The following TNFRSF1B variants were observed in gnomAD, a reference collection of about 807,000 sequenced individuals.
The protein encoded by TNFRSF1B is TNF receptor superfamily member 1B, also known as tumor necrosis factor receptor superfamily member 1B.
In TNFRSF1B, 19 loss-of-function variants were observed where a neutral mutation model predicts 44.6. The ratio of observed to expected loss-of-function variants is 0.43; its 90% CI spans 0.30 to 0.62. TNFRSF1B has a LOEUF of 0.62. TNFRSF1B is among the 20% of genes least tolerant of loss of function. The pLI is 0.16. For synonymous variants in TNFRSF1B, 252 were observed against 261.1 expected (o/e 0.97, Z 0.34); for missense variants, 541 against 619.9 (o/e 0.87, Z 1.35).
chr1:12,189,855 G>C (rs1046530639), intron 2 of TNFRSF1B, among the ~76,000 whole-genome samples: 2 of 152,200 alleles, frequency 1.3e-5, no homozygotes, highest in African/African-American at 4.8e-5. Flanking sequence ...CAGGAGGTGA[G>C]GGAGCAGGTC....
chr1:12,206,706 C>G (rs148178396), intron 9 of TNFRSF1B, 34 bp from the exon 10 acceptor site: 2 of 1,535,554 alleles, frequency 1.3e-6, no homozygotes, highest in Non-Finnish European at 1.8e-6. Context: ...CCTGGACCCC[C>G]GGACTGACCC....
intron 4 of TNFRSF1B, among the ~76,000 whole-genome samples, 192 bp downstream of exon 4, chr1:12,192,115 C>T (rs993666900): frequency 6.6e-6 from 1 of 152,244 alleles, no homozygotes; most frequent in Non-Finnish European, 1.5e-5. Flanking sequence ...CCCGATTAGG[C>T]ACCTCTTATG....
chr1:12,198,313 T>G, intron 8 of TNFRSF1B, among the ~76,000 whole-genome samples: 1 of 152,132 alleles, frequency 6.6e-6, no homozygotes, highest in Non-Finnish European at 1.5e-5. Flanking sequence ...AGTATGATTC[T>G]TGTCCCCCAT....
rs17883432 is a variant in TNFRSF1B, at chr1:12,201,968, C to G, written c.902C>G (p.Pro301Arg). 1.8e-4 allele frequency: 295 copies of G among 1,607,616 alleles called. 1 individual carries two copies. Among genetic ancestry groups the G allele is most frequent in the African/African-American group, 9.9e-4 (74 of 74,958 alleles). Reference protein sequence around the residue: ...PLCLQREAKVPHLPADKARGT... With the variant: ...PLCLQREAKVRHLPADKARGT... ...CCCTACCACCCCCTGCCCATCCAGCCTCACTTGCCTGCCGATAAGGCCCGG... is the reference window on the plus strand; with the variant it reads ...CCCTACCACCCCCTGCCCATCCAGCGTCACTTGCCTGCCGATAAGGCCCGG... Residue 301 changes from proline (P) to arginine (R), a missense_variant and splice_region_variant, in exon 9 of 10, where the codon CCT (proline) becomes CGT (arginine). Physicochemically the swap from Pro to Arg is moderately radical, Grantham distance 103 (BLOSUM62 -2). Coordinates refer to ENST00000376259, the MANE Select transcript of TNFRSF1B (RefSeq NM_001066.3).
At position 12,207,234 on chromosome 1, in the gene TNFRSF1B, G is replaced by T. The variant is rs987083843; in HGVS notation, c.*214G>T. On this transcript the variant is annotated 3_prime_UTR_variant, in exon 10 of 10. Coordinates refer to ENST00000376259, the MANE Select transcript of TNFRSF1B (RefSeq NM_001066.3). ...GTTGTGGAAAGCCTCTGCTGCCATGGCGTGTCCCTCTCGGAAGGCTGGCTG... is the reference window on the plus strand; with the variant it reads ...GTTGTGGAAAGCCTCTGCTGCCATGTCGTGTCCCTCTCGGAAGGCTGGCTG... 2 of 480,734 alleles carry T rather than the reference G, an allele frequency of 4.2e-6. No homozygotes were observed. The highest frequency in any genetic ancestry group is 1.1e-4 in the South Asian group (2 of 17,720). 29.8% of individuals were successfully genotyped at this position (480,734 alleles called of 1,614,324 possible). A position where few individuals can be genotyped will look rare whatever the true frequency, so the allele number is the denominator to read the frequency against.
In TNFRSF1B at chr1:12,192,977, A is replaced by G; in HGVS notation, c.666A>G (p.Thr222=). The change falls in exon 6 of 10, where the codon ACA becomes ACG. Residue 222 remains threonine (T), a synonymous_variant. Transcript: ENST00000376259. ...TACACTTACCCCAGCCAGTGTCCAC[A>G]CGATCCCAACACACGCAGCCAACTC... ...GAVHLPQPVS[T]RSQHTQPTPE... 2 of 1,614,146 alleles carry G rather than the reference A, an allele frequency of 1.2e-6. No homozygotes were observed. Among genetic ancestry groups the G allele is most frequent in the Non-Finnish European group, 1.7e-6 (2 of 1,180,014 alleles).
intron 9 of TNFRSF1B, among the ~76,000 whole-genome samples, chr1:12,204,257 A>G (rs1231702223): frequency 1.3e-5 from 2 of 151,714 alleles, no homozygotes; most frequent in African/African-American, 4.8e-5. Flanking sequence ...GTGCCCCTTC[A>G]TGGTCCCCCA....
At chr1:12,174,764 G>A (rs1638614046) in intron 1 of TNFRSF1B, among the ~76,000 whole-genome samples, 1 of 152,226 alleles carries the variant, frequency 6.6e-6, no homozygotes, top group Non-Finnish European at 1.5e-5. Flanking sequence ...TAGTGGGCAT[G>A]TTCTGCTGGG....
At position 12,178,222 on chromosome 1, in the gene TNFRSF1B, C is replaced by T. The variant is rs1638706366; in HGVS notation, c.79-10574C>T. Among the ~76,000 whole-genome samples, 1 of 152,200 alleles carries T rather than the reference C, an allele frequency of 6.6e-6. No homozygotes were observed. Among genetic ancestry groups the T allele is most frequent in the Admixed American group, 6.5e-5 (1 of 15,278 alleles). On this transcript the variant is annotated intron_variant, in intron 1 of 9. Coordinates refer to ENST00000376259, the MANE Select transcript of TNFRSF1B (RefSeq NM_001066.3). This position sits in a 1 kb window ranked among gnomAD's most constrained non-coding sequence, Gnocchi z 4.3. Reference sequence around the variant, plus strand: ...CAACTAATTGAAAATTAAAACTTTGCTTCTGTTGAGCAATTCGGCATCGAT... The same window carrying T: ...CAACTAATTGAAAATTAAAACTTTGTTTCTGTTGAGCAATTCGGCATCGAT...
chr1:12,183,748 T>TCTATCTATCTAGCTAGCTAG (rs1279334157), intron 1 of TNFRSF1B, among the ~76,000 whole-genome samples: 4 of 116,984 alleles, frequency 3.4e-5, no homozygotes, highest in South Asian at 3.0e-4. Context: ...TATCTATCTA[T>TCTATCTATCTAGCTAGCTAG]CTAGCTAGCT....
rs541185628 is a variant in TNFRSF1B, at chr1:12,173,618, A to G, written c.78+6449A>G. ...TCCTTACTGTAGGCAGGCGCTGCAG[A>G]GCCTGCTGTCTGGGAACCCACAGGT... is the stretch of plus-strand genomic sequence containing the variant. On this transcript the variant is annotated intron_variant, in intron 1 of 9. Transcript: ENST00000376259. Among the ~76,000 whole-genome samples the G allele has an allele frequency of 3.9e-5, 6 of 152,288 alleles. No individual in the cohort carries two copies. In the South Asian group the frequency reaches 1.2e-3, roughly 32 times the overall value.
At position 12,187,304 on chromosome 1, in the gene TNFRSF1B, C is replaced by T. The variant is rs1241550629; in HGVS notation, c.79-1492C>T. ...GAGTAGCTGGGATTACAGGCACACG[C>T]CACTATGCCGGGATAATTTTGTATT... On this transcript the variant is annotated intron_variant, in intron 1 of 9. Transcript: ENST00000376259. The surrounding 1 kb of genome is among the most constrained non-coding windows in gnomAD (Gnocchi z 5.5). 6.6e-6 allele frequency among the ~76,000 whole-genome samples: 1 copy of T among 152,128 alleles called. No individual in the cohort carries two copies. Among genetic ancestry groups the T allele is most frequent in the Non-Finnish European group, 1.5e-5 (1 of 68,026 alleles).
Position 12,201,952 on chromosome 1 carries a change from C to A in TNFRSF1B, c.901-15C>A. On this transcript the variant is annotated splice_polypyrimidine_tract_variant and intron_variant, in intron 8 of 9. Coordinates refer to ENST00000376259, the MANE Select transcript of TNFRSF1B (RefSeq NM_001066.3). ...TGGGCTGACTGCTCTCCCCTACCAC[C>A]CCCTGCCCATCCAGCCTCACTTGCC... is the stretch of plus-strand genomic sequence containing the variant. The A allele has an allele frequency of 1.9e-6, 3 of 1,596,754 alleles. No individual in the cohort carries two copies. The highest frequency in any genetic ancestry group is 2.6e-6 in the Non-Finnish European group (3 of 1,170,476).
Position 12,207,304 on chromosome 1 carries a change from G to A in TNFRSF1B, c.*284G>A, listed in dbSNP as rs1257673965. 5.3e-6 allele frequency: 2 copies of A among 378,554 alleles called. No individual in the cohort carries two copies. Among genetic ancestry groups the A allele is most frequent in the Non-Finnish European group, 9.4e-6 (2 of 213,216 alleles). The allele number at this position is 378,554 out of a possible 1,614,324, so 23.4% of individuals were successfully genotyped here. ...TGCTGGGGCAAGTCCCTGACTCTCT[G>A]TGACCTGCCCCGCCCAGCTGCACCT... On this transcript the variant is annotated 3_prime_UTR_variant, in exon 10 of 10. Transcript: ENST00000376259.
In TNFRSF1B at chr1:12,202,180, T is replaced by G. The variant is rs1570174818; in HGVS notation, c.1105+9T>G. ...CAGCACCGGGAGCTCAGGTAAGAGG[T>G]GGGAGCACACCTGGCTTCTTCCCAA... On this transcript the variant is annotated intron_variant, in intron 9 of 9. Transcript: ENST00000376259. 1 of 1,542,260 alleles carries G rather than the reference T, an allele frequency of 6.5e-7. No homozygotes were observed. Among genetic ancestry groups the G allele is most frequent in the Non-Finnish European group, 8.7e-7 (1 of 1,146,998 alleles).
Position 12,177,049 on chromosome 1 carries a change from C to T in TNFRSF1B, c.78+9880C>T, listed in dbSNP as rs1265631397. Among the ~76,000 whole-genome samples, 1 of 152,038 alleles carries T rather than the reference C, an allele frequency of 6.6e-6. No homozygotes were observed. The highest frequency in any genetic ancestry group is 1.5e-5 in the Non-Finnish European group (1 of 67,986). ...TGGAGTCTTGCTCTTGTTGCCTAGG[C>T]TGGAGTGCAGTGGTGTGATCTTGGC... is the stretch of plus-strand genomic sequence containing the variant. On this transcript the variant is annotated intron_variant, in intron 1 of 9. Transcript: ENST00000376259. This position sits in a 1 kb window ranked among gnomAD's most constrained non-coding sequence, Gnocchi z 4.3.
rs1251850435 is a variant in TNFRSF1B at position 12,206,920 on chromosome 1, C to T, written c.1286C>T (p.Ala429Val). 6.2e-7 allele frequency: 1 copy of T among 1,614,082 alleles called. No individual in the cohort carries two copies. The highest frequency in any genetic ancestry group is 8.5e-7 in the Non-Finnish European group (1 of 1,180,024). ...GTCCCCTTCTCCAAGGAGGAATGTG[C>T]CTTTCGGTCACAGCTGGAGACGCCA... ...EQVPFSKEEC[A>V]FRSQLETPET... The change falls in exon 10 of 10, where the codon GCC becomes GTC. Residue 429 changes from alanine (A) to valine (V), a missense_variant. Transcript: ENST00000376259.
intron 9 of TNFRSF1B, among the ~76,000 whole-genome samples, 153 bp from the exon 10 acceptor site, chr1:12,206,587 C>G (rs1228255629): frequency 1.3e-5 from 2 of 152,160 alleles, no homozygotes; most frequent in Non-Finnish European, 2.9e-5. Context: ...GTGACTTGCT[C>G]AAGGTCACAC....
At chr1:12,195,987 T>A (rs1463767055) in intron 8 of TNFRSF1B, among the ~76,000 whole-genome samples, 3 of 151,994 alleles carry the variant, frequency 2.0e-5, no homozygotes, top group Non-Finnish European at 2.9e-5. Flanking sequence ...TAAACAAAAT[T>A]AAATAAAATA....
Sources: allele counts gnomAD v4.1 joint callset (sites outside exome capture counted in the v4.1 genomes callset), GRCh38; gene constraint gnomAD v4.1.1; non-coding constraint Gnocchi (gnomAD v3.1); transcripts MANE v1.5; gene names NCBI Gene and HGNC (gene_info 2026-07-23, HGNC 2026-07-21).